The following ABCG8 variants were observed in gnomAD, a reference collection of about 807,000 sequenced individuals.
The protein encoded by ABCG8 is ATP-binding cassette sub-family G member 8.
In ABCG8, 81 loss-of-function variants were observed where a neutral mutation model predicts 71.3. The observed-to-expected ratio is 1.14, with a 90% CI of 0.95 to 1.37. The LOEUF is 1.37. ABCG8 is among the 40% of genes most tolerant of loss of function. ABCG8 has a pLI of 0.00. For missense variants in ABCG8, 1,119 were observed against 866.2 expected (o/e 1.29, Z -3.66); for synonymous variants, 451 against 354.7 (o/e 1.27, Z -3.05).
At chr2:43,861,040 A>G (rs1465009432) in intron 6 of ABCG8, among the ~76,000 whole-genome samples, 2 of 151,384 alleles carry the variant, frequency 1.3e-5, no homozygotes. Context: ...CTATCGGGAT[A>G]GAATTCTCAC....
In ABCG8 at chr2:43,880,664, G is replaced by GCA. The variant is rs879545120; in HGVS notation, c.*2752_*2753insAC. ...AGAGTTAGGGAGTGTGTGTGTGTGT[G>GCA]CGCGCGCGCGCGCGCATGTGCATAC... On this transcript the variant is annotated 3_prime_UTR_variant, in exon 13 of 13. Coordinates refer to ENST00000272286, the MANE Select transcript of ABCG8 (RefSeq NM_022437.3). 3.0e-5 allele frequency: 4 copies of GCA among 134,072 alleles called. No individual in the cohort carries two copies. The highest frequency in any genetic ancestry group is 1.1e-4 in the African/African-American group (4 of 34,900). The allele number at this position is 134,072 out of a possible 1,614,324, so 8.3% of individuals were successfully genotyped here.
intron 6 of ABCG8, among the ~76,000 whole-genome samples, chr2:43,862,054 C>T (rs1434697256): frequency 6.6e-6 from 1 of 151,222 alleles, no homozygotes; most frequent in Admixed American, 6.6e-5. Context: ...CTAGATAGAA[C>T]TCTCACTAAC....
In ABCG8 at chr2:43,839,059, C is replaced by T. The variant is rs954982677; in HGVS notation, c.6C>T (p.Ala2=). ...GTCACAGACCTGTGGGCCCCATGGC[C>T]GGGAAGGCGGCAGAGGAGAGAGGGC... M[A]GKAAEERGLP... The change falls in exon 1 of 13, where the codon GCC becomes GCT. Residue 2 remains alanine, a synonymous_variant. Transcript: ENST00000272286. 125 of 1,550,838 alleles carry T rather than the reference C, an allele frequency of 8.1e-5. No homozygotes were observed. The highest frequency in any genetic ancestry group is 9.9e-5 in the Non-Finnish European group (113 of 1,146,788).
intron 8 of ABCG8, among the ~76,000 whole-genome samples, chr2:43,873,560 G>T (rs1166329831): frequency 1.3e-5 from 2 of 152,208 alleles, no homozygotes; most frequent in South Asian, 2.1e-4. Context: ...ACATTGCCAA[G>T]CTGATACATT....
chr2:43,854,237 T>C (rs1285122651), intron 6 of ABCG8, among the ~76,000 whole-genome samples: 2 of 152,170 alleles, frequency 1.3e-5, no homozygotes, highest in East Asian at 1.9e-4. Flanking sequence ...TACCCAAAAA[T>C]CTGATGTTTT....
At chr2:43,870,610 T>C (rs1439040845) in intron 6 of ABCG8, among the ~76,000 whole-genome samples, 2 of 151,918 alleles carry the variant, frequency 1.3e-5, no homozygotes, top group Admixed American at 1.3e-4. Context: ...GAATTCTCAC[T>C]CTCTGGATAG....
intron 6 of ABCG8, among the ~76,000 whole-genome samples, chr2:43,861,081 GA>G (rs1233841011): frequency 1.3e-5 from 2 of 151,268 alleles, no homozygotes; most frequent in Non-Finnish European, 3.0e-5. Flanking sequence ...TATCTATATG[GA>G]AATAACTCTC....
At position 43,852,590 on chromosome 2, in the gene ABCG8, G is replaced by T; in HGVS notation, c.695-9G>T. On this transcript the variant is annotated splice_polypyrimidine_tract_variant and intron_variant, in intron 5 of 12. Coordinates refer to ENST00000272286, the MANE Select transcript of ABCG8 (RefSeq NM_022437.3). ...ACCGACTCACCAGGCTCCTCTCTGT[G>T]TTGGAAAGGAATCCTTATTCTCGAC... is the stretch of plus-strand genomic sequence containing the variant. 1.2e-6 allele frequency: 2 copies of T among 1,614,138 alleles called. No homozygotes were observed. Among genetic ancestry groups the T allele is most frequent in the Non-Finnish European group, 1.7e-6 (2 of 1,180,026 alleles).
intron 3 of ABCG8, 156 bp downstream of exon 3, chr2:43,846,467 G>A: frequency 8.9e-7 from 1 of 1,122,690 alleles, no homozygotes. Flanking sequence ...ACAGACCTGG[G>A]CTCAAATCCT....
chr2:43,859,423 A>C (rs745764896), intron 6 of ABCG8, among the ~76,000 whole-genome samples: 25 of 151,372 alleles, frequency 1.7e-4, no homozygotes, highest in Admixed American at 4.6e-4. Context: ...CTCACTCTGC[A>C]TAGAACTCTC....
rs891865943 is a variant in ABCG8 at position 43,844,744 on chromosome 2, T to A, written c.165+136T>A. 3.8e-5 allele frequency: 26 copies of A among 691,580 alleles called. No homozygotes were observed. The African/African-American group carries it at 3.9e-4, about 10-fold the overall frequency. 42.8% of individuals were successfully genotyped at this position (691,580 alleles called of 1,614,324 possible). A position where few individuals can be genotyped will look rare whatever the true frequency, so the allele number is the denominator to read the frequency against. ...ACAGAGTCCAGTCCACATTGATGCC[T>A]CACGTGTCAGGTGCAATAGGTGTCA... On this transcript the variant is annotated intron_variant, in intron 2 of 12. Transcript: ENST00000272286.
chr2:43,842,172 G>A (rs1217671435), intron 1 of ABCG8, among the ~76,000 whole-genome samples: 3 of 152,074 alleles, frequency 2.0e-5, no homozygotes, highest in Admixed American at 6.6e-5. Flanking sequence ...ACCATGCCCG[G>A]CAATTTTTTT....
In ABCG8 at chr2:43,873,801, A is replaced by C; in HGVS notation, c.1226A>C (p.Asn409Thr). The C allele has an allele frequency of 1.9e-6, 3 of 1,613,910 alleles. No individual in the cohort carries two copies. The South Asian group carries it at 3.3e-5, about 18-fold the overall frequency. The change falls in exon 9 of 13, where the codon AAC (asparagine) becomes ACC (threonine). Residue 409 changes from asparagine to threonine, a missense_variant. Transcript: ENST00000272286. ...TGGTTTTTAAGTCGTCAGATTTCCA[A>C]CGACTTCCGAGACCTGCCCACCCTC... ...FTTLIRRQIS[N>T]DFRDLPTLLI...
At chr2:43,853,433 G>A (rs1184052977) in intron 6 of ABCG8, among the ~76,000 whole-genome samples, 1 of 152,212 alleles carries the variant, frequency 6.6e-6, no homozygotes, top group Non-Finnish European at 1.5e-5. Flanking sequence ...GCAGGGGACA[G>A]TTGCCTTCCC....
In ABCG8 at chr2:43,874,464, G is replaced by C. The variant is rs1262203792; in HGVS notation, c.1469G>C (p.Gly490Ala). Reference protein sequence around the residue: ...YELEDGLYTTGPYFFAKILGE... With the variant: ...YELEDGLYTTAPYFFAKILGE... Reference sequence around the variant, plus strand: ...CTGGAAGACGGGCTGTACACCACTGGTCCATATTTCTTTGCCAAGGTGACT... The same window carrying C: ...CTGGAAGACGGGCTGTACACCACTGCTCCATATTTCTTTGCCAAGGTGACT... The change falls in exon 10 of 13, where the codon GGT becomes GCT. Residue 490 changes from glycine (G) to alanine (A), a missense_variant. Gly to Ala is a moderately conservative substitution (Grantham distance 60). Coordinates refer to ENST00000272286, the MANE Select transcript of ABCG8 (RefSeq NM_022437.3). 2.5e-6 allele frequency: 4 copies of C among 1,613,684 alleles called. No homozygotes were observed. Among genetic ancestry groups the C allele is most frequent in the Admixed American group, 1.7e-5 (1 of 59,982 alleles).
At chr2:43,858,514 C>G (rs973512029) in intron 6 of ABCG8, among the ~76,000 whole-genome samples, 1 of 151,538 alleles carries the variant, frequency 6.6e-6, no homozygotes, top group Non-Finnish European at 1.5e-5. Flanking sequence ...CTCTCACTAT[C>G]TATCTCGATA....
intron 1 of ABCG8, among the ~76,000 whole-genome samples, chr2:43,842,012 G>T (rs1374793003): frequency 8.0e-6 from 1 of 125,706 alleles, no homozygotes; most frequent in Non-Finnish European, 1.7e-5. Flanking sequence ...AAATGGATAA[G>T]ATTTTTTTTT....
rs926638414 is a variant in ABCG8 at position 43,853,472 on chromosome 2, G to A, written c.964+604G>A. 4.6e-5 allele frequency among the ~76,000 whole-genome samples: 7 copies of A among 152,210 alleles called. No individual in the cohort carries two copies. The East Asian group carries it at 1.3e-3, about 29-fold the overall frequency. ...TACCTGGCCTGAAATCCTGAGTGCT[G>A]AGGAAGGGCATGGCTGCTGGACAGG... On this transcript the variant is annotated intron_variant, in intron 6 of 12. Transcript: ENST00000272286.
Position 43,877,882 on chromosome 2 carries a change from T to G in ABCG8, c.1991T>G (p.Phe664Cys). 6.2e-7 allele frequency: 1 copy of G among 1,614,074 alleles called. No individual in the cohort carries two copies. Among genetic ancestry groups the G allele is most frequent in the Non-Finnish European group, 8.5e-7 (1 of 1,180,004 alleles). ...FMVLYYVSLR[F>C]IKQKPSQDW ...GTCCTGTACTACGTGTCCTTAAGGT[T>G]CATCAAACAGAAACCAAGTCAAGAC... Residue 664 changes from phenylalanine (F) to cysteine (C), a missense_variant, in exon 13 of 13, where the codon TTC (phenylalanine) becomes TGC (cysteine). By Grantham distance (205) the Phe-to-Cys change is radical (BLOSUM62 -2). Coordinates refer to ENST00000272286, the MANE Select transcript of ABCG8 (RefSeq NM_022437.3).
Sources: allele counts gnomAD v4.1 joint callset (sites outside exome capture counted in the v4.1 genomes callset), GRCh38; gene constraint gnomAD v4.1.1; transcripts MANE v1.5; gene names NCBI Gene and HGNC (gene_info 2026-07-23, HGNC 2026-07-21).